Variants in KIF6 observed in about 807,000 individuals in gnomAD.
The protein encoded by KIF6 is kinesin family member 6, also known as kinesin-like protein KIF6.
KIF6 carries 106 observed loss-of-function variants against 112.7 expected under a neutral mutation model. The observed-to-expected ratio is 0.94, with a 90% confidence interval of 0.80 to 1.11. The LOEUF (loss-of-function observed/expected upper bound fraction) is 1.11, where lower values mean the gene tolerates loss of function less well. KIF6 is among the 50% of genes least tolerant of loss of function. The probability of loss-of-function intolerance (pLI) is 0.00; values close to 1 mark genes in which losing one functional copy is unlikely to be tolerated. For missense variants in KIF6, 929 were observed against 964.0 expected (o/e 0.96, Z 0.48); for synonymous variants, 339 against 339.9 (o/e 1.00, Z 0.03).
At chr6:39,573,413 A>G (rs945427191) in intron 10 of KIF6, among the ~76,000 whole-genome samples, 2 of 152,252 alleles carry the variant, frequency 1.3e-5, no homozygotes, top group Non-Finnish European at 2.9e-5. Flanking sequence ...AGGTTGTACT[A>G]ATGTTCAATC....
intron 16 of KIF6, among the ~76,000 whole-genome samples, chr6:39,372,274 C>A: frequency 6.6e-6 from 1 of 152,024 alleles, no homozygotes; most frequent in Non-Finnish European, 1.5e-5. Context: ...GGTGGGAGAA[C>A]AACAAAAAAG....
intron 12 of KIF6, among the ~76,000 whole-genome samples, 153 bp from the exon 13 acceptor site, chr6:39,540,374 C>T (rs1197840543): frequency 1.3e-5 from 2 of 152,138 alleles, no homozygotes; most frequent in Admixed American, 6.5e-5. Flanking sequence ...CCATATATAG[C>T]AATGGACAAT....
chr6:39,551,943 C>T (rs117602333), intron 10 of KIF6, among the ~76,000 whole-genome samples: 32 of 152,304 alleles, frequency 2.1e-4, no homozygotes, highest in Middle Eastern at 6.8e-3. Context: ...CTTTGCTATT[C>T]GACTGGACCA....
At chr6:39,337,146 T>TCC (rs1236098144) in intron 22 of KIF6, among the ~76,000 whole-genome samples, 1 of 121,040 alleles carries the variant, frequency 8.3e-6, no homozygotes, top group Non-Finnish European at 1.8e-5. Context: ...CTTCCTTCCT[T>TCC]TCTCTTTCTT....
intron 7 of KIF6, among the ~76,000 whole-genome samples, chr6:39,590,321 T>C (rs1781862652): frequency 6.6e-6 from 1 of 151,884 alleles, no homozygotes; most frequent in African/African-American, 2.4e-5. Context: ...GGAAACAATA[T>C]TGATGTCTTT....
At chr6:39,404,929 G>T (rs896179036) in intron 15 of KIF6, among the ~76,000 whole-genome samples, 1 of 149,888 alleles carries the variant, frequency 6.7e-6, no homozygotes, top group Non-Finnish European at 1.5e-5. Flanking sequence ...TGTATTTTTT[G>T]GAATTACTAT....
chr6:39,681,247 T>C (rs1360731611), intron 3 of KIF6, among the ~76,000 whole-genome samples: 2 of 152,202 alleles, frequency 1.3e-5, no homozygotes, highest in African/African-American at 2.4e-5. Context: ...GCTGTTTCCA[T>C]ATTTCAGAAG....
At chr6:39,350,476 G>A (rs990026841) in intron 19 of KIF6, among the ~76,000 whole-genome samples, 7 of 152,100 alleles carry the variant, frequency 4.6e-5, no homozygotes, top group African/African-American at 1.7e-4. Flanking sequence ...CTGTAAAGTG[G>A]GGGACCATGA....
In KIF6 at chr6:39,385,628, C is replaced by G. The variant is rs867034577; in HGVS notation, c.1855G>C (p.Ala619Pro). 1 of 1,613,302 alleles carries G rather than the reference C, an allele frequency of 6.2e-7. No individual in the cohort carries two copies. The highest frequency in any genetic ancestry group is 1.1e-5 in the South Asian group (1 of 91,054). ...EITQRHIQQV[A>P]LGISENMAVP... is the part of the protein sequence containing the mutation. Reference sequence around the variant, plus strand: ...AGATTCTCTTTGTACCTACCTAGGGCTACTTGCTGTATATGCCGCTGGGTG... The same window carrying G: ...AGATTCTCTTTGTACCTACCTAGGGGTACTTGCTGTATATGCCGCTGGGTG... Residue 619 changes from alanine (A) to proline (P), a missense_variant, in exon 16 of 23, where the codon GCC becomes CCC. Ala to Pro is a conservative substitution (Grantham distance 27, BLOSUM62 -1). Transcript: ENST00000287152.
intron 15 of KIF6, among the ~76,000 whole-genome samples, chr6:39,399,414 C>T (rs1413288917): frequency 3.9e-5 from 6 of 152,114 alleles, no homozygotes; most frequent in Non-Finnish European, 5.9e-5. Flanking sequence ...TGAGCTGAGC[C>T]GGGTCCTGCG....
intron 5 of KIF6, among the ~76,000 whole-genome samples, chr6:39,619,009 G>T (rs1383713196): frequency 6.6e-6 from 1 of 151,870 alleles, no homozygotes; most frequent in East Asian, 1.9e-4. Flanking sequence ...ATTCTTATTG[G>T]CTCAAAATAA....
chr6:39,515,793 C>T (rs961623822), intron 13 of KIF6, among the ~76,000 whole-genome samples: 4 of 152,112 alleles, frequency 2.6e-5, no homozygotes, highest in African/African-American at 9.7e-5. Flanking sequence ...AGGTCAAATT[C>T]CAAGACAATA....
chr6:39,521,139 C>G (rs976086425), intron 13 of KIF6, among the ~76,000 whole-genome samples: 6 of 152,192 alleles, frequency 3.9e-5, no homozygotes, highest in Non-Finnish European at 2.9e-5. Context: ...GATGCTGTTA[C>G]TCAGTGTAAT....
chr6:39,457,987 T>C (rs1043377759), intron 13 of KIF6, among the ~76,000 whole-genome samples: 9 of 150,526 alleles, frequency 6.0e-5, no homozygotes, highest in South Asian at 2.1e-4. Context: ...TTCCAATCAA[T>C]AGAAAAAGAG....
chr6:39,535,874 C>T (rs1778390192), intron 13 of KIF6, among the ~76,000 whole-genome samples: 1 of 152,174 alleles, frequency 6.6e-6, no homozygotes, highest in South Asian at 2.1e-4. Flanking sequence ...TCTCAGACCA[C>T]AGTGCAATCA....
intron 3 of KIF6, among the ~76,000 whole-genome samples, chr6:39,656,632 A>AT (rs1412002385): frequency 6.6e-6 from 1 of 152,118 alleles, no homozygotes. Flanking sequence ...TTTCCCACAC[A>AT]TTCATTCATA....
At chr6:39,497,590 C>T (rs1775862495) in intron 13 of KIF6, among the ~76,000 whole-genome samples, 1 of 150,568 alleles carries the variant, frequency 6.6e-6, no homozygotes, top group African/African-American at 2.4e-5. Context: ...AGGCTCAGAA[C>T]CCAAACCTGG....
intron 19 of KIF6, among the ~76,000 whole-genome samples, chr6:39,351,723 C>T (rs1357776893): frequency 6.6e-6 from 1 of 152,110 alleles, no homozygotes; most frequent in Non-Finnish European, 1.5e-5. Flanking sequence ...ATATTGCTAC[C>T]AGTAGAAGCT....
chr6:39,598,766 A>G (rs1297703990), intron 6 of KIF6, among the ~76,000 whole-genome samples: 2 of 152,196 alleles, frequency 1.3e-5, no homozygotes, highest in Non-Finnish European at 2.9e-5. Context: ...GAGATAATTC[A>G]AATTACAGAG....
Sources: allele counts gnomAD v4.1 joint callset (sites outside exome capture counted in the v4.1 genomes callset), GRCh38; gene constraint gnomAD v4.1.1; transcripts MANE v1.5; gene names NCBI Gene and HGNC (gene_info 2026-07-23, HGNC 2026-07-21).